Variants in DOCK7 observed in about 807,000 individuals in gnomAD.
DOCK7 encodes the protein dedicator of cytokinesis 7.
In DOCK7, 138 loss-of-function variants were observed where a neutral mutation model predicts 271.0. The ratio of observed to expected loss-of-function variants is 0.51; its 90% CI spans 0.44 to 0.59. The LOEUF is 0.59. Among genes scored for constraint, DOCK7 ranks in the 20% least tolerant of loss-of-function variants. DOCK7 has a pLI of 0.00. For missense variants in DOCK7, 2,066 were observed against 2,592.4 expected (o/e 0.80, Z 4.41); for synonymous variants, 823 against 876.1 (o/e 0.94, Z 1.07).
chr1:62,510,821 C>T (rs993162092), intron 33 of DOCK7, 148 bp from the exon 34 acceptor site: 6 of 522,092 alleles, frequency 1.1e-5, no homozygotes, highest in Middle Eastern at 3.6e-4. Flanking sequence ...GACAATGGTG[C>T]TTTTTATTAA....
chr1:62,477,316 G>C lies in DOCK7; in HGVS notation c.5634+384C>G, dbSNP rs190399529. Among the ~76,000 whole-genome samples the C allele has an allele frequency of 3.9e-5, 6 of 152,292 alleles. No individual in the cohort carries two copies. In the East Asian group the frequency reaches 1.2e-3, roughly 29 times the overall value. On this transcript the variant is annotated intron_variant, in intron 44 of 49. Coordinates refer to ENST00000635253, the MANE Select transcript of DOCK7 (RefSeq NM_001367561.1). ...CTCACCTGGAACCAGTTAAGCCAAA[G>C]AGATAATATGCTTGGGTCAGAAATT...
intron 2 of DOCK7, among the ~76,000 whole-genome samples, chr1:62,657,622 A>T (rs1343243779): frequency 1.3e-5 from 2 of 152,200 alleles, no homozygotes. Flanking sequence ...CAAGGCAAAC[A>T]TCAGAAAAAT....
intron 40 of DOCK7, among the ~76,000 whole-genome samples, chr1:62,493,793 G>T (rs1243683977): frequency 6.6e-6 from 1 of 152,140 alleles, no homozygotes. Flanking sequence ...CTGACTCTTG[G>T]TAAGCAGAGA....
At chr1:62,606,276 T>C (rs1348089567) in intron 14 of DOCK7, 2 of 151,840 alleles carry the variant, frequency 1.3e-5, no homozygotes, top group Admixed American at 6.6e-5. Context: ...AAATAATTCA[T>C]TATTTAATAT....
intron 7 of DOCK7, among the ~76,000 whole-genome samples, chr1:62,643,782 T>C (rs910727154): frequency 1.3e-5 from 2 of 152,108 alleles, no homozygotes; most frequent in African/African-American, 2.4e-5. Context: ...TTATTTTCCA[T>C]CTATTTACAT....
rs756798144 is a variant in DOCK7 at position 62,455,443 on chromosome 1, G to A, written c.6394C>T (p.Arg2132Ter). The A allele has an allele frequency of 5.6e-6, 9 of 1,613,512 alleles. No individual in the cohort carries two copies. Among genetic ancestry groups the A allele is most frequent in the Non-Finnish European group, 7.6e-6 (9 of 1,179,764 alleles). The change falls in exon 50 of 50, where the codon CGA (arginine) becomes TGA (stop). Residue 2132 changes from arginine to a stop codon, truncating the protein, a stop_gained. Transcript: ENST00000635253. LOFTEE classifies it high-confidence loss of function. The stretch of plus-strand genomic sequence containing the variant: ...AGATCCATTTTGCGAAGGCTCATTC[G>A]ACTGAAGGAATCTCTGGGAAAAAAA... Reference protein sequence around the residue: ...PVTCHRDSFSRMSLRKMDL With the variant: ...PVTCHRDSFS
At chr1:62,642,160 G>C (rs138842762) in intron 7 of DOCK7, among the ~76,000 whole-genome samples, 5,459 of 150,548 alleles carry the variant, frequency 0.036, 246 homozygotes, top group African/African-American at 0.1. Context: ...CCAGGCTGGA[G>C]TGCAATGGTG....
intron 1 of DOCK7, among the ~76,000 whole-genome samples, chr1:62,671,013 A>G (rs1659936447): frequency 6.6e-6 from 1 of 152,050 alleles, no homozygotes; most frequent in Non-Finnish European, 1.5e-5. Context: ...GCCCACCGGG[A>G]GGAACGAACA....
intron 42 of DOCK7, chr1:62,487,749 T>C (rs1646338033): frequency 4.7e-6 from 1 of 210,644 alleles, no homozygotes; most frequent in South Asian, 1.1e-4. Context: ...AAATACAAAC[T>C]GCAACTCTGC....
intron 11 of DOCK7, 114 bp from the exon 12 acceptor site, chr1:62,625,515 T>C (rs1279484317): frequency 9.8e-7 from 1 of 1,019,602 alleles, no homozygotes; most frequent in East Asian, 2.5e-5. Context: ...ACTCAGCATA[T>C]CAAGTATAGT....
chr1:62,647,966 G>A (rs987517896), intron 6 of DOCK7, 140 bp downstream of exon 6: 2 of 837,044 alleles, frequency 2.4e-6, no homozygotes, highest in Non-Finnish European at 3.7e-6. Context: ...AAATTCACTA[G>A]TATAAAATGT....
intron 4 of DOCK7, among the ~76,000 whole-genome samples, chr1:62,650,201 T>C (rs975513744): frequency 2.0e-5 from 3 of 152,220 alleles, no homozygotes; most frequent in Non-Finnish European, 4.4e-5. Flanking sequence ...ATTTAGTCTA[T>C]ATTTACCTGT....
chr1:62,463,219 G>GAGAT (rs1286084642), intron 48 of DOCK7, among the ~76,000 whole-genome samples: 2 of 152,166 alleles, frequency 1.3e-5, no homozygotes, highest in African/African-American at 4.8e-5. Context: ...CTTTGGTAAA[G>GAGAT]AGATATTCAA....
chr1:62,504,046 CAA>C (rs11297853), intron 37 of DOCK7, among the ~76,000 whole-genome samples: 101 of 120,506 alleles, frequency 8.4e-4, no homozygotes, highest in Non-Finnish European at 8.9e-4. Context: ...GACTCCGTCT[CAA>C]AAAAAAAAAA....
At chr1:62,627,593 G>A (rs1176877748) in intron 11 of DOCK7, 1 of 151,984 alleles carries the variant, frequency 6.6e-6, no homozygotes, top group East Asian at 1.9e-4. Flanking sequence ...CTATACACTA[G>A]AAATGGACTT....
At chr1:62,528,549 G>T (rs1164205732) in intron 30 of DOCK7, among the ~76,000 whole-genome samples, 1 of 152,140 alleles carries the variant, frequency 6.6e-6, no homozygotes, top group Admixed American at 6.6e-5. Context: ...TCTGCCTTCA[G>T]GTAAGGAAAT....
intron 14 of DOCK7, among the ~76,000 whole-genome samples, chr1:62,590,943 G>A (rs560493110): frequency 1.3e-5 from 2 of 152,204 alleles, no homozygotes; most frequent in African/African-American, 4.8e-5. Flanking sequence ...ATTCCTCAAA[G>A]AGCAAAAAGC....
chr1:62,646,715 G>A (rs546435358), intron 7 of DOCK7, among the ~76,000 whole-genome samples: 15 of 152,284 alleles, frequency 9.9e-5, no homozygotes, highest in African/African-American at 3.6e-4. Flanking sequence ...TTTCTACTGT[G>A]TCAGCTACGC....
chr1:62,521,078 AACATC>A (rs1557661334), intron 31 of DOCK7, among the ~76,000 whole-genome samples: 1 of 151,722 alleles, frequency 6.6e-6, no homozygotes. Flanking sequence ...CAGGAAGGGG[AACATC>A]ACACACTGGG....
Sources: gnomAD v4.1 joint callset for allele counts (sites outside exome capture counted in the v4.1 genomes callset) on GRCh38, gnomAD v4.1.1 for gene constraint, MANE v1.5 for transcripts, NCBI Gene and HGNC (gene_info 2026-07-23, HGNC 2026-07-21) for gene names.